Variants in GTF2IRD1 observed in about 807,000 individuals in gnomAD.
The protein encoded by GTF2IRD1 is GTF2I repeat domain containing 1.
In GTF2IRD1, 26 loss-of-function variants were observed where a neutral mutation model predicts 113.2. That is an observed-to-expected ratio of 0.23 (90% CI 0.17 to 0.32). The LOEUF (loss-of-function observed/expected upper bound fraction) is 0.32. Among genes scored for constraint, GTF2IRD1 ranks in the 10% least tolerant of loss-of-function variants. The probability of loss-of-function intolerance (pLI) is 1.00; values close to 1 mark genes in which losing one functional copy is unlikely to be tolerated. For synonymous variants in GTF2IRD1, 484 were observed against 529.1 expected (o/e 0.91, Z 1.17); for missense variants, 864 against 1,280.8 (o/e 0.67, Z 4.97).
At chr7:74,591,131 C>G in intron 24 of GTF2IRD1, 114 bp downstream of exon 24, 1 of 559,454 alleles carries the variant, frequency 1.8e-6, no homozygotes, top group Non-Finnish European at 3.1e-6. Flanking sequence ...TGTAATAGTT[C>G]CTGCCTCTTT....
intron 1 of GTF2IRD1, among the ~76,000 whole-genome samples, chr7:74,494,016 G>A (rs938689022): frequency 2.6e-5 from 4 of 152,188 alleles, no homozygotes; most frequent in Non-Finnish European, 4.4e-5. Context: ...TCAGCCTGGT[G>A]TGCCCTCAGG....
chr7:74,467,725 G>A (rs188243719), intron 1 of GTF2IRD1, among the ~76,000 whole-genome samples: 2 of 151,834 alleles, frequency 1.3e-5, no homozygotes, highest in Admixed American at 6.6e-5. Context: ...TCAGAATCTC[G>A]CTCTGTCACC....
chr7:74,521,202 G>A lies in GTF2IRD1; in HGVS notation c.917-6G>A. On this transcript the variant is annotated splice_region_variant and splice_polypyrimidine_tract_variant and intron_variant, in intron 6 of 26. Coordinates refer to ENST00000424337, the MANE Select transcript of GTF2IRD1 (RefSeq NM_005685.4). ...TGGAACCTTCTTCCTTCTCTCCCTT[G>A]TCCAGGACAGAAGCCCACTGGGCCT... The A allele has an allele frequency of 6.4e-7, 1 of 1,564,732 alleles. No homozygotes were observed. Among genetic ancestry groups the A allele is most frequent in the Non-Finnish European group, 8.8e-7 (1 of 1,135,694 alleles).
intron 22 of GTF2IRD1, among the ~76,000 whole-genome samples, chr7:74,584,532 A>T (rs1801607078): frequency 6.6e-6 from 1 of 152,216 alleles, no homozygotes; most frequent in East Asian, 1.9e-4. Context: ...AAGATAAAGT[A>T]AATAGAGTAG....
intron 14 of GTF2IRD1, among the ~76,000 whole-genome samples, chr7:74,544,279 A>G (rs1317500726): frequency 5.3e-5 from 8 of 152,032 alleles, no homozygotes; most frequent in African/African-American, 1.9e-4. Flanking sequence ...TCCGCCTCCT[A>G]GGTTCAGGCG....
At chr7:74,463,201 G>A (rs1793491755) in intron 1 of GTF2IRD1, among the ~76,000 whole-genome samples, 1 of 152,166 alleles carries the variant, frequency 6.6e-6, no homozygotes, top group Non-Finnish European at 1.5e-5. Flanking sequence ...GGCTGGCCGA[G>A]TGATGTCACA....
intron 1 of GTF2IRD1, among the ~76,000 whole-genome samples, chr7:74,483,385 AT>A (rs1343413942): frequency 1.3e-5 from 2 of 150,046 alleles, no homozygotes; most frequent in African/African-American, 4.9e-5. Flanking sequence ...AAAAAAAAAA[AT>A]TTTTTTTTTA....
At chr7:74,516,055 C>A (rs917710203) in intron 4 of GTF2IRD1, among the ~76,000 whole-genome samples, 2 of 152,244 alleles carry the variant, frequency 1.3e-5, no homozygotes, top group Non-Finnish European at 2.9e-5. Flanking sequence ...TCTTCTCCCA[C>A]TAGGTGACAG....
intron 25 of GTF2IRD1, among the ~76,000 whole-genome samples, chr7:74,595,360 C>T (rs1554371911): frequency 2.0e-5 from 3 of 150,116 alleles, no homozygotes; most frequent in South Asian, 2.1e-4. Context: ...GAACTGAGAT[C>T]GCGCCCCTGC....
chr7:74,478,902 C>G (rs1489290503), intron 1 of GTF2IRD1, among the ~76,000 whole-genome samples: 1 of 151,122 alleles, frequency 6.6e-6, no homozygotes, highest in Non-Finnish European at 1.5e-5. Context: ...CATGCTATCA[C>G]ACTAGGCTAA....
chr7:74,590,690 C>A, intron 23 of GTF2IRD1, 135 bp from the exon 24 acceptor site: 1 of 529,606 alleles, frequency 1.9e-6, no homozygotes, highest in East Asian at 3.1e-5. Context: ...TGCGCCCCAC[C>A]AGGGTCTTGA....
Position 74,582,140 on chromosome 7 carries a change from C to T in GTF2IRD1, c.2321-7711C>T, listed in dbSNP as rs587602566. On this transcript the variant is annotated intron_variant, in intron 22 of 26. Transcript: ENST00000424337. ...TTGCAGCGGGGGCCACGATTCCTGT[C>T]GGGCAAGACTGGTGCCAGCCTGCAC... Among the ~76,000 whole-genome samples, 5 of 152,360 alleles carry T rather than the reference C, an allele frequency of 3.3e-5. No homozygotes were observed. The South Asian group carries it at 8.3e-4, about 25-fold the overall frequency.
chr7:74,522,577 AG>A (rs1222559970), intron 7 of GTF2IRD1, among the ~76,000 whole-genome samples: 1 of 152,166 alleles, frequency 6.6e-6, no homozygotes. Flanking sequence ...CCCTGGGATC[AG>A]AATGGAGGAC....
At chr7:74,573,314 C>A (rs1400258472) in intron 22 of GTF2IRD1, among the ~76,000 whole-genome samples, 1 of 151,718 alleles carries the variant, frequency 6.6e-6, no homozygotes, top group African/African-American at 2.4e-5. Context: ...AGGCAAGAGG[C>A]TCACTTGAGC....
chr7:74,535,386 G>A (rs587770234), intron 10 of GTF2IRD1, among the ~76,000 whole-genome samples: 3 of 152,318 alleles, frequency 2.0e-5, no homozygotes, highest in East Asian at 1.9e-4. Flanking sequence ...GACGCTAACC[G>A]GTGCCAGGTT....
intron 22 of GTF2IRD1, among the ~76,000 whole-genome samples, chr7:74,565,250 C>T (rs1209460745): frequency 2.0e-5 from 3 of 152,128 alleles, no homozygotes; most frequent in East Asian, 1.9e-4. Context: ...GACTGCCAGG[C>T]GCGGTGGCTC....
intron 14 of GTF2IRD1, among the ~76,000 whole-genome samples, chr7:74,541,729 C>G (rs1278337535): frequency 5.9e-5 from 9 of 151,780 alleles, no homozygotes; most frequent in African/African-American, 1.9e-4. Flanking sequence ...ATGAAACCCC[C>G]TTCTCTACTA....
intron 22 of GTF2IRD1, among the ~76,000 whole-genome samples, chr7:74,561,685 C>A (rs587751982): frequency 6.6e-6 from 1 of 152,046 alleles, no homozygotes; most frequent in African/African-American, 2.4e-5. Context: ...CCAGTGGACA[C>A]CCGGCTGAGA....
At position 74,601,476 on chromosome 7, in the gene GTF2IRD1, A is replaced by C. The variant is rs1554374096; in HGVS notation, c.2766+296A>C. 7.0e-6 allele frequency: 10 copies of C among 1,437,692 alleles called. No individual in the cohort carries two copies. In the East Asian group the frequency reaches 2.0e-4, roughly 29 times the overall value. The allele number at this position is 1,437,692 out of a possible 1,614,324, so 89.1% of individuals were successfully genotyped here. On this transcript the variant is annotated intron_variant, in intron 26 of 26. Coordinates refer to ENST00000424337, the MANE Select transcript of GTF2IRD1 (RefSeq NM_005685.4). ...CTTCAGCCGCACCAGAGCTGGAGACATGAAAAGACATGGCTGGCGGGTGCA... is the reference window on the plus strand; with the variant it reads ...CTTCAGCCGCACCAGAGCTGGAGACCTGAAAAGACATGGCTGGCGGGTGCA...
Sources: allele counts gnomAD v4.1 joint callset (sites outside exome capture counted in the v4.1 genomes callset), GRCh38; gene constraint gnomAD v4.1.1; transcripts MANE v1.5; gene names NCBI Gene and HGNC (gene_info 2026-07-23, HGNC 2026-07-21).